The following TXNRD2 variants were observed in gnomAD, a reference collection of about 807,000 sequenced individuals.
TXNRD2 encodes thioredoxin reductase 2.
In TXNRD2, 67 loss-of-function variants were observed where a neutral mutation model predicts 70.8. That is an observed-to-expected ratio of 0.95 (90% CI 0.78 to 1.16). The LOEUF (loss-of-function observed/expected upper bound fraction) is 1.16. TXNRD2 is among the 50% of genes most tolerant of loss of function. The pLI is 0.00. For missense variants in TXNRD2, 644 were observed against 719.9 expected (o/e 0.89, Z 1.21); for synonymous variants, 301 against 295.8 (o/e 1.02, Z -0.18).
intron 11 of TXNRD2, among the ~76,000 whole-genome samples, chr22:19,889,241 C>T (rs1238683145): frequency 3.3e-5 from 5 of 152,188 alleles, no homozygotes; most frequent in South Asian, 2.1e-4. Flanking sequence ...CCTTGGAGTA[C>T]GGCGCAGCCC....
At chr22:19,930,668 C>T (rs1569112373) in intron 2 of TXNRD2, among the ~76,000 whole-genome samples, 2 of 152,146 alleles carry the variant, frequency 1.3e-5, no homozygotes, top group Non-Finnish European at 2.9e-5. Flanking sequence ...GGCAGGGTGA[C>T]AGCCACAGTA....
At chr22:19,924,077 T>A in intron 2 of TXNRD2, among the ~76,000 whole-genome samples, 1 of 151,980 alleles carries the variant, frequency 6.6e-6, no homozygotes, top group Non-Finnish European at 1.5e-5. Context: ...CACAGCTTGC[T>A]TACGCCTTGA....
intron 7 of TXNRD2, among the ~76,000 whole-genome samples, chr22:19,914,577 A>G (rs923376890): frequency 1.3e-5 from 2 of 152,184 alleles, no homozygotes; most frequent in African/African-American, 4.8e-5. Flanking sequence ...TTTCACTTAC[A>G]CGAGGTGCCT....
rs973009432 is a variant in TXNRD2, at chr22:19,919,008, G to A, written c.230-4C>T. On this transcript the variant is annotated splice_region_variant and splice_polypyrimidine_tract_variant and intron_variant, in intron 3 of 17. Transcript: ENST00000400521. ...CCGCCGAGGCCCCACCGGGTGCCTG[G>A]GACGTGGGAAGAGCACATTTGAATT... is the stretch of plus-strand genomic sequence containing the variant. 4.4e-6 allele frequency: 7 copies of A among 1,608,112 alleles called. No individual in the cohort carries two copies. In the African/African-American group the frequency reaches 9.4e-5, roughly 22 times the overall value.
chr22:19,908,696 C>T (rs1940182310), intron 8 of TXNRD2, among the ~76,000 whole-genome samples: 1 of 152,144 alleles, frequency 6.6e-6, no homozygotes. Context: ...GGCAGCACTG[C>T]TCACAACAGC....
intron 13 of TXNRD2, 79 bp from the exon 14 acceptor site, chr22:19,880,350 A>G: frequency 7.0e-7 from 1 of 1,429,552 alleles, no homozygotes; most frequent in South Asian, 1.2e-5. Flanking sequence ...CACAAAGAGC[A>G]GCGATCACAG....
chr22:19,927,651 C>CAAAAAAAAAAAAAAAAAAAAAAA (rs149665821), intron 2 of TXNRD2, among the ~76,000 whole-genome samples: 2 of 68,402 alleles, frequency 2.9e-5, no homozygotes, highest in Non-Finnish European at 2.8e-5. Flanking sequence ...GACCTTGTCT[C>CAAAAAAAAAAAAAAAAAAAAAAA]AAAAAAAAAA....
chr22:19,932,694 C>T (rs899945600), intron 1 of TXNRD2: 1 of 763,366 alleles, frequency 1.3e-6, no homozygotes, highest in Non-Finnish European at 1.8e-6. Flanking sequence ...CCCTCAGCCC[C>T]TCTGCAGACA....
intron 1 of TXNRD2, among the ~76,000 whole-genome samples, chr22:19,937,502 C>T (rs1047589890): frequency 5.9e-5 from 9 of 152,086 alleles, no homozygotes; most frequent in African/African-American, 2.2e-4. Context: ...GTAAAATGGC[C>T]GTGCATTCCA....
chr22:19,925,191 G>A (rs949373106), intron 2 of TXNRD2, among the ~76,000 whole-genome samples: 23 of 151,852 alleles, frequency 1.5e-4, no homozygotes, highest in Admixed American at 1.5e-3. Flanking sequence ...GGCTGAGGCA[G>A]GAGAATGGCG....
At chr22:19,922,293 C>G (rs141054157) in intron 2 of TXNRD2, among the ~76,000 whole-genome samples, 4 of 152,236 alleles carry the variant, frequency 2.6e-5, no homozygotes, top group African/African-American at 9.6e-5. Flanking sequence ...AGATGCCTCA[C>G]TTGTGTGCCC....
chr22:19,930,839 T>C (rs1941330288), intron 2 of TXNRD2, among the ~76,000 whole-genome samples, 191 bp downstream of exon 2: 2 of 152,094 alleles, frequency 1.3e-5, no homozygotes, highest in Non-Finnish European at 2.9e-5. Context: ...AGCCATGAAG[T>C]GCCACGGCGG....
At chr22:19,915,371 C>A in intron 6 of TXNRD2, 95 bp from the exon 7 acceptor site, 1 of 1,312,156 alleles carries the variant, frequency 7.6e-7, no homozygotes, top group South Asian at 1.3e-5. Flanking sequence ...CAGCAGTTCC[C>A]ACGGCCCCTG....
intron 10 of TXNRD2, among the ~76,000 whole-genome samples, chr22:19,896,516 C>A (rs879033): frequency 0.25 from 37,425 of 152,034 alleles, 6,184 homozygotes; most frequent in African/African-American, 0.47. Context: ...CATCCAGGAG[C>A]CAGGAGGGTA....
intron 2 of TXNRD2, among the ~76,000 whole-genome samples, chr22:19,922,638 T>C (rs111394916): frequency 0.016 from 2,410 of 152,256 alleles, 54 homozygotes; most frequent in African/African-American, 0.053. Context: ...CAACTTGCAC[T>C]ATATGGTAGC....
At chr22:19,907,134 G>GGC (rs1434680775) in intron 8 of TXNRD2, among the ~76,000 whole-genome samples, 182 of 112,002 alleles carry the variant, frequency 1.6e-3, no homozygotes, top group South Asian at 4.7e-3. Context: ...GGAGAGTGTG[G>GGC]GCACCATGGG....
At chr22:19,900,088 A>C (rs1939702701) in intron 8 of TXNRD2, among the ~76,000 whole-genome samples, 1 of 152,242 alleles carries the variant, frequency 6.6e-6, no homozygotes, top group African/African-American at 2.4e-5. Flanking sequence ...TGCGGGAAGC[A>C]TCTGGCATGC....
chr22:19,908,323 C>T (rs992036783), intron 8 of TXNRD2, among the ~76,000 whole-genome samples: 3 of 152,044 alleles, frequency 2.0e-5, no homozygotes, highest in African/African-American at 7.3e-5. Flanking sequence ...AGGCAGAGTA[C>T]ACATGGAATT....
chr22:19,939,114 C>T (rs1345455488), intron 1 of TXNRD2, among the ~76,000 whole-genome samples: 2 of 152,070 alleles, frequency 1.3e-5, no homozygotes, highest in East Asian at 3.8e-4. Flanking sequence ...GTCTGGGTGC[C>T]CACTAGGAGA....
Sources: gnomAD v4.1 joint callset for allele counts (sites outside exome capture counted in the v4.1 genomes callset) on GRCh38, gnomAD v4.1.1 for gene constraint, MANE v1.5 for transcripts, NCBI Gene and HGNC (gene_info 2026-07-23, HGNC 2026-07-21) for gene names.